Variants in DENND2C observed in about 807,000 individuals in gnomAD.
DENND2C encodes DENN domain-containing protein 2C.
In DENND2C, 72 loss-of-function variants were observed where a neutral mutation model predicts 112.4. The ratio of observed to expected loss-of-function variants is 0.64; its 90% confidence interval spans 0.53 to 0.78. The LOEUF (loss-of-function observed/expected upper bound fraction) is 0.78. Ranked by LOEUF, DENND2C falls within the 30% of genes least tolerant of loss-of-function variation. The probability of loss-of-function intolerance (pLI) is 0.00; values close to 1 mark genes in which losing one functional copy is unlikely to be tolerated. For missense variants in DENND2C, 992 were observed against 1,113.8 expected (o/e 0.89, Z 1.56); for synonymous variants, 329 against 381.6 (o/e 0.86, Z 1.61).
chr1:114,628,644 T>C (rs1411235104), intron 3 of DENND2C, among the ~76,000 whole-genome samples: 1 of 152,256 alleles, frequency 6.6e-6, no homozygotes, highest in African/African-American at 2.4e-5. Context: ...AATTAACTTA[T>C]ACCCTTTATA....
chr1:114,668,854 T>G (rs1657713520), intron 1 of DENND2C, among the ~76,000 whole-genome samples: 1 of 152,222 alleles, frequency 6.6e-6, no homozygotes, highest in South Asian at 2.1e-4. Flanking sequence ...AAGTCTTGAT[T>G]TGGAACAATA....
chr1:114,660,098 C>G (rs745398350), intron 1 of DENND2C, among the ~76,000 whole-genome samples: 7 of 152,128 alleles, frequency 4.6e-5, no homozygotes, highest in Non-Finnish European at 7.4e-5. Context: ...CTGAGATTGC[C>G]TCTCAGCTAG....
chr1:114,586,296 G>A (rs1655035043), intron 20 of DENND2C, among the ~76,000 whole-genome samples: 1 of 152,068 alleles, frequency 6.6e-6, no homozygotes, highest in Non-Finnish European at 1.5e-5. Flanking sequence ...TTAATCTGGA[G>A]TACCAAAGAT....
chr1:114,655,970 A>C (rs1657306827), intron 1 of DENND2C, among the ~76,000 whole-genome samples: 1 of 150,744 alleles, frequency 6.6e-6, no homozygotes, highest in Admixed American at 6.6e-5. Context: ...TATTTCATTT[A>C]ATGGTAATGC....
At chr1:114,608,656 C>G (rs1341944080) in intron 10 of DENND2C, 30 bp downstream of exon 10, 9 of 1,604,712 alleles carry the variant, frequency 5.6e-6, no homozygotes, top group African/African-American at 1.3e-5. Context: ...AGGAACATTC[C>G]TGAATGCCTC....
chr1:114,624,121 T>C (rs1036974350), intron 4 of DENND2C, among the ~76,000 whole-genome samples: 1 of 152,192 alleles, frequency 6.6e-6, no homozygotes, highest in Non-Finnish European at 1.5e-5. Context: ...AATAATGAAG[T>C]AGGCTGTGCC....
intron 7 of DENND2C, among the ~76,000 whole-genome samples, chr1:114,619,220 C>T (rs1417499819): frequency 6.6e-6 from 1 of 151,998 alleles, no homozygotes; most frequent in Non-Finnish European, 1.5e-5. Flanking sequence ...ACACAGAATG[C>T]GGTAAAAAAG....
At chr1:114,653,992 T>C (rs1177674956) in intron 2 of DENND2C, among the ~76,000 whole-genome samples, 3 of 152,278 alleles carry the variant, frequency 2.0e-5, no homozygotes, top group South Asian at 2.1e-4. Flanking sequence ...TTATAAAAGG[T>C]TGTGTAATAT....
intron 2 of DENND2C, among the ~76,000 whole-genome samples, chr1:114,647,613 G>A (rs1236470866): frequency 6.6e-6 from 1 of 152,098 alleles, no homozygotes; most frequent in Non-Finnish European, 1.5e-5. Flanking sequence ...TAGAGACGGG[G>A]TTTTGCCATG....
chr1:114,586,600 G>A (rs896439630), intron 20 of DENND2C: 15 of 151,928 alleles, frequency 9.9e-5, no homozygotes, highest in African/African-American at 3.6e-4. Flanking sequence ...CATGGTTTAT[G>A]GTCAGCCTAT....
At chr1:114,602,854 G>A (rs1386128119) in intron 11 of DENND2C, among the ~76,000 whole-genome samples, 1 of 152,154 alleles carries the variant, frequency 6.6e-6, no homozygotes, top group African/African-American at 2.4e-5. Context: ...ATGAGCCACT[G>A]TGCCTGGCCT....
intron 2 of DENND2C, among the ~76,000 whole-genome samples, chr1:114,650,952 T>G (rs1370068047): frequency 6.6e-6 from 1 of 151,314 alleles, no homozygotes; most frequent in African/African-American, 2.4e-5. Flanking sequence ...TAAAACACAG[T>G]AAGGGCATTA....
intron 8 of DENND2C, among the ~76,000 whole-genome samples, chr1:114,612,094 G>C (rs1345949993): frequency 2.0e-5 from 3 of 151,968 alleles, no homozygotes; most frequent in African/African-American, 7.3e-5. Flanking sequence ...AGGAATAAAG[G>C]GTGGGAATAG....
intron 7 of DENND2C, among the ~76,000 whole-genome samples, chr1:114,619,174 A>ATG (rs1423739521): frequency 2.0e-5 from 3 of 151,884 alleles, no homozygotes; most frequent in Non-Finnish European, 2.9e-5. Context: ...ACTGGGAGAG[A>ATG]TGTGTGTGTG....
At chr1:114,626,510 C>CTTTTT (rs11412901) in intron 3 of DENND2C, among the ~76,000 whole-genome samples, 4 of 122,864 alleles carry the variant, frequency 3.3e-5, no homozygotes, top group African/African-American at 6.2e-5. Context: ...TAAATTAATT[C>CTTTTT]TTTTTTTTTT....
At chr1:114,653,116 C>CT (rs368434521) in intron 2 of DENND2C, among the ~76,000 whole-genome samples, 3,983 of 148,832 alleles carry the variant, frequency 0.027, 94 homozygotes, top group Non-Finnish European at 0.035. Flanking sequence ...CACATTGGTA[C>CT]TTTTTTTTTT....
At chr1:114,611,778 A>AACAC (rs6143386) in intron 8 of DENND2C, among the ~76,000 whole-genome samples, 28,776 of 148,072 alleles carry the variant, frequency 0.19, 3,035 homozygotes, top group Non-Finnish European at 0.25. Flanking sequence ...GAGCACAGGC[A>AACAC]ACACACACAC....
At chr1:114,605,105 T>G (rs1213269111) in intron 10 of DENND2C, 74 bp from the exon 11 acceptor site, 8 of 1,136,156 alleles carry the variant, frequency 7.0e-6, no homozygotes, top group Non-Finnish European at 1.0e-5. Flanking sequence ...AACTCAGCCT[T>G]GTCTCAGGAA....
intron 2 of DENND2C, among the ~76,000 whole-genome samples, chr1:114,652,370 T>C (rs1044362966): frequency 6.6e-6 from 1 of 152,136 alleles, no homozygotes; most frequent in Non-Finnish European, 1.5e-5. Context: ...TAATGTGAAT[T>C]TGAAAGTTAC....
Sources: allele counts gnomAD v4.1 joint callset (sites outside exome capture counted in the v4.1 genomes callset), GRCh38; gene constraint gnomAD v4.1.1; transcripts MANE v1.5; gene names NCBI Gene and HGNC (gene_info 2026-07-23, HGNC 2026-07-21).